FOXP2: variants seen among roughly 807,000 people sequenced by gnomAD.
FOXP2 encodes the protein forkhead box P2, also known as forkhead box protein P2.
Under a neutral mutation model 115.8 loss-of-function variants are expected in FOXP2, and 12 were observed. The ratio of observed to expected loss-of-function variants is 0.10; its 90% CI spans 0.07 to 0.17. FOXP2 has a LOEUF of 0.17. Ranked by LOEUF, FOXP2 falls within the 10% of genes least tolerant of loss-of-function variation. The pLI is 1.00. For synonymous variants in FOXP2, 328 were observed against 297.7 expected (o/e 1.10, Z -1.05); for missense variants, 629 against 843.5 (o/e 0.75, Z 3.15).
intron 1 of FOXP2, among the ~76,000 whole-genome samples, chr7:114,109,861 A>G (rs969212533): frequency 5.3e-4 from 80 of 152,126 alleles, no homozygotes; most frequent in Non-Finnish European, 5.0e-4. Flanking sequence ...TTTAATTTCC[A>G]TGAGAGCTTT....
intron 3 of FOXP2, among the ~76,000 whole-genome samples, chr7:114,543,138 T>C (rs971768386): frequency 6.6e-6 from 1 of 152,158 alleles, no homozygotes; most frequent in Non-Finnish European, 1.5e-5. Flanking sequence ...ATAAGCTCAT[T>C]ACAAGAATCT....
At chr7:114,629,589 T>G (rs761585149) in intron 4 of FOXP2, 4 of 1,545,690 alleles carry the variant, frequency 2.6e-6, no homozygotes, top group Non-Finnish European at 3.5e-6. Flanking sequence ...CCCTTTTGTT[T>G]AGGATTTTTT....
chr7:114,637,374 A>G (rs558731559), intron 6 of FOXP2, among the ~76,000 whole-genome samples: 4 of 152,302 alleles, frequency 2.6e-5, no homozygotes, highest in African/African-American at 7.2e-5. Flanking sequence ...CATAATTACA[A>G]AACTTTTTGG....
chr7:114,585,699 T>G (rs1024538822), intron 3 of FOXP2, among the ~76,000 whole-genome samples: 3 of 152,072 alleles, frequency 2.0e-5, no homozygotes, highest in Non-Finnish European at 2.9e-5. Flanking sequence ...ACCCCGTCTC[T>G]ACCAAAAATA....
intron 1 of FOXP2, among the ~76,000 whole-genome samples, chr7:114,254,305 C>T (rs960603570): frequency 2.0e-5 from 3 of 152,134 alleles, no homozygotes; most frequent in Admixed American, 6.5e-5. Flanking sequence ...ATCTTTGTGG[C>T]GTTCTCTGTA....
intron 2 of FOXP2, among the ~76,000 whole-genome samples, chr7:114,356,297 G>A (rs1343098166): frequency 6.6e-6 from 1 of 152,102 alleles, no homozygotes; most frequent in South Asian, 2.1e-4. Flanking sequence ...TGCTACACAG[G>A]TTAGTCTAGT....
intron 3 of FOXP2, among the ~76,000 whole-genome samples, chr7:114,566,077 G>A (rs563396935): frequency 7.9e-5 from 12 of 152,084 alleles, no homozygotes; most frequent in Admixed American, 7.9e-4. Flanking sequence ...ATTGTCCCTG[G>A]GACAGTTTCC....
intron 1 of FOXP2, among the ~76,000 whole-genome samples, chr7:114,240,508 T>G (rs1041873481): frequency 9.9e-5 from 15 of 152,074 alleles, no homozygotes; most frequent in African/African-American, 3.6e-4. Context: ...TTGTTATATG[T>G]TTTTTGTTTG....
At chr7:114,385,410 G>C (rs574957919) in intron 2 of FOXP2, among the ~76,000 whole-genome samples, 1 of 152,168 alleles carries the variant, frequency 6.6e-6, no homozygotes, top group Non-Finnish European at 1.5e-5. Context: ...AGGTAGGGGC[G>C]CACACATGGG....
intron 2 of FOXP2, among the ~76,000 whole-genome samples, chr7:114,448,552 G>A (rs1453561777): frequency 6.6e-6 from 1 of 152,060 alleles, no homozygotes; most frequent in African/African-American, 2.4e-5. Flanking sequence ...TATTCCTGAT[G>A]TTGTCCTTTC....
At chr7:114,524,942 A>T (rs1234525047) in intron 2 of FOXP2, among the ~76,000 whole-genome samples, 1 of 152,142 alleles carries the variant, frequency 6.6e-6, no homozygotes, top group Non-Finnish European at 1.5e-5. Flanking sequence ...CATTCATGAA[A>T]TTATATATCC....
chr7:114,376,619 A>G (rs1032763212), intron 2 of FOXP2, among the ~76,000 whole-genome samples: 1 of 152,200 alleles, frequency 6.6e-6, no homozygotes, highest in Admixed American at 6.5e-5. Flanking sequence ...TTCTAAATAT[A>G]TAGCAGCATA....
intron 3 of FOXP2, among the ~76,000 whole-genome samples, chr7:114,576,072 TTAAGATAA>T (rs146954870): frequency 0.022 from 3,326 of 152,014 alleles, 111 homozygotes; most frequent in African/African-American, 0.073. Context: ...AGAAATAAAC[TTAAGATAA>T]TGAAATGTTT....
At chr7:114,265,427 C>T (rs1795873174) in intron 1 of FOXP2, among the ~76,000 whole-genome samples, 1 of 152,188 alleles carries the variant, frequency 6.6e-6, no homozygotes, top group African/African-American at 2.4e-5. Context: ...TGGTGGGCTC[C>T]CAAGGCCTTG....
At chr7:114,626,058 A>T (rs928794428) in intron 3 of FOXP2, among the ~76,000 whole-genome samples, 1 of 150,362 alleles carries the variant, frequency 6.7e-6, no homozygotes, top group African/African-American at 2.5e-5. Context: ...TTAAAATTTT[A>T]AAAAATCACA....
chr7:114,165,986 G>C (rs1256489720), intron 1 of FOXP2, among the ~76,000 whole-genome samples: 1 of 152,070 alleles, frequency 6.6e-6, no homozygotes, highest in Non-Finnish European at 1.5e-5. Flanking sequence ...CTTTAACAAA[G>C]GAGCAAAGAC....
intron 1 of FOXP2, among the ~76,000 whole-genome samples, chr7:114,247,023 T>C (rs1270253251): frequency 6.6e-6 from 1 of 152,222 alleles, no homozygotes; most frequent in Non-Finnish European, 1.5e-5. Flanking sequence ...AAAGGAAAGT[T>C]GGGAATCTTT....
chr7:114,562,018 T>C (rs1016612082), intron 3 of FOXP2, among the ~76,000 whole-genome samples: 1 of 152,134 alleles, frequency 6.6e-6, no homozygotes, highest in Non-Finnish European at 1.5e-5. Flanking sequence ...CTGCGCACTA[T>C]GTTCTCTTGC....
At chr7:114,565,936 C>A (rs766194291) in intron 3 of FOXP2, among the ~76,000 whole-genome samples, 3 of 152,132 alleles carry the variant, frequency 2.0e-5, no homozygotes, top group African/African-American at 7.2e-5. Context: ...AGTATGATTT[C>A]TCTTTTCTTC....
Sources: allele counts gnomAD v4.1 joint callset (sites outside exome capture counted in the v4.1 genomes callset), GRCh38; gene constraint gnomAD v4.1.1; transcripts MANE v1.5; gene names NCBI Gene and HGNC (gene_info 2026-07-23, HGNC 2026-07-21).